The following TBC1D32 variants were observed in gnomAD, a reference collection of about 807,000 sequenced individuals.
TBC1D32 encodes protein broad-minded.
A neutral mutation model predicts 170.3 loss-of-function variants in TBC1D32; 151 were observed. The observed-to-expected ratio is 0.89, with a 90% confidence interval of 0.78 to 1.01. The LOEUF is 1.01. Ranked by LOEUF, TBC1D32 falls within the 50% of genes least tolerant of loss-of-function variation. The pLI, the probability that TBC1D32 is intolerant of heterozygous loss-of-function variation, is 0.00. For synonymous variants in TBC1D32, 498 were observed against 488.0 expected, an observed-to-expected ratio of 1.02 and a Z score of -0.27; for missense variants, 1,464 against 1,457.1, an observed-to-expected ratio of 1.00 and a Z score of -0.08.
intron 12 of TBC1D32, among the ~76,000 whole-genome samples, chr6:121,291,699 T>C (rs1804893020): frequency 6.6e-6 from 1 of 152,126 alleles, no homozygotes; most frequent in Non-Finnish European, 1.5e-5. Context: ...AATTTCACTA[T>C]TCAATTTTTA....
intron 9 of TBC1D32, among the ~76,000 whole-genome samples, chr6:121,300,931 A>G (rs1245981251): frequency 6.6e-6 from 1 of 152,236 alleles, no homozygotes; most frequent in Non-Finnish European, 1.5e-5. Context: ...CAAAAGACAC[A>G]TGAAAAAATG....
chr6:121,098,192 G>GAAT (rs150038060), intron 30 of TBC1D32, among the ~76,000 whole-genome samples: 11,247 of 148,816 alleles, frequency 0.076, 473 homozygotes, highest in South Asian at 0.17. Context: ...ACTTAAAGTA[G>GAAT]AATAATAATA....
Position 121,256,297 on chromosome 6 carries a change from T to C in TBC1D32, c.1734-12A>G. 3 of 1,594,496 alleles carry C rather than the reference T, an allele frequency of 1.9e-6. No homozygotes were observed. The highest frequency in any genetic ancestry group is 1.7e-4 in the Middle Eastern group (1 of 5,886). On this transcript the variant is annotated splice_polypyrimidine_tract_variant and intron_variant, in intron 15 of 31. Coordinates refer to ENST00000398212, the MANE Select transcript of TBC1D32 (RefSeq NM_152730.6). Reference sequence around the variant, plus strand: ...GAGCACCTGTAGGACTAAAAGATGATACCTGAAAGTGATTCCAAGGTTATA... The same window carrying C: ...GAGCACCTGTAGGACTAAAAGATGACACCTGAAAGTGATTCCAAGGTTATA...
chr6:121,220,017 C>T (rs1327747690), intron 21 of TBC1D32, among the ~76,000 whole-genome samples: 1 of 152,182 alleles, frequency 6.6e-6, no homozygotes, highest in Non-Finnish European at 1.5e-5. Context: ...TGGTCATCCA[C>T]CTATCTTTCT....
chr6:121,290,848 T>C (rs1001355194), intron 12 of TBC1D32, among the ~76,000 whole-genome samples: 3 of 152,230 alleles, frequency 2.0e-5, no homozygotes, highest in African/African-American at 4.8e-5. Flanking sequence ...ATGTCTTTTG[T>C]AGGGACACAG....
In TBC1D32 at chr6:121,087,614, A is replaced by C. The variant is rs80215290; in HGVS notation, c.3654+3239T>G. Among the ~76,000 whole-genome samples, 231 of 152,324 alleles carry C rather than the reference A, an allele frequency of 1.5e-3. 1 individual carries two copies. Among genetic ancestry groups the C allele is most frequent in the African/African-American group, 5.4e-3 (224 of 41,588 alleles). ...AACTGATAATAACTGAAAGTATAAC[A>C]TATTTGTGGTTTTCAATATTTTGAA... On this transcript the variant is annotated intron_variant, in intron 31 of 31. Transcript: ENST00000398212.
intron 27 of TBC1D32, among the ~76,000 whole-genome samples, chr6:121,114,380 A>T (rs1338029763): frequency 6.6e-6 from 1 of 152,228 alleles, no homozygotes; most frequent in Admixed American, 6.5e-5. Flanking sequence ...GTTAAAAAAT[A>T]GGTGACTAGC....
chr6:121,130,212 T>C (rs1227264833), intron 25 of TBC1D32, among the ~76,000 whole-genome samples: 2 of 152,178 alleles, frequency 1.3e-5, no homozygotes, highest in Non-Finnish European at 2.9e-5. Context: ...CAGGGCGCGG[T>C]GGCTCATGCC....
Position 121,308,022 on chromosome 6 carries a change from C to T in TBC1D32, c.644G>A (p.Cys215Tyr), listed in dbSNP as rs201594875. Residue 215 changes from cysteine (C) to tyrosine (Y), a missense_variant, in exon 5 of 32, where the codon TGC (cysteine) becomes TAC (tyrosine). Coordinates refer to ENST00000398212, the MANE Select transcript of TBC1D32 (RefSeq NM_152730.6). The part of the protein sequence containing the change: ...VLNCENWTTL[C>Y]EKLTVSLSDP... ...TGAAAGAGACACGGTCAGTTTTTCG[C>T]AGAGAGTAGTCCAATTTTCACAGTT... 449 of 1,613,806 alleles carry T rather than the reference C, an allele frequency of 2.8e-4. No homozygotes were observed. The highest frequency in any genetic ancestry group is 3.5e-4 in the Non-Finnish European group (414 of 1,179,858).
chr6:121,242,465 T>C (rs1797105679), intron 17 of TBC1D32, 126 bp from the exon 18 acceptor site: 3 of 818,494 alleles, frequency 3.7e-6, no homozygotes, highest in Non-Finnish European at 5.6e-6. Flanking sequence ...GGTTGCAAAT[T>C]AATCAATAAA....
Position 121,256,122 on chromosome 6 carries a change from A to G in TBC1D32, c.1897T>C (p.Tyr633His). ...TTTGCTATAGATTCATGCAAATTATAAGTGATTAACACCTGCAAACCTTCA... is the reference window on the plus strand; with the variant it reads ...TTTGCTATAGATTCATGCAAATTATGAGTGATTAACACCTGCAAACCTTCA... Reference protein sequence around the residue: ...TCEGLQVLITYNLHESIAKAW... With the variant: ...TCEGLQVLITHNLHESIAKAW... Residue 633 changes from tyrosine (Y) to histidine (H), a missense_variant, in exon 16 of 32, where the codon TAT becomes CAT. Physicochemically the swap from Tyr to His is moderately conservative, Grantham distance 83 (BLOSUM62 2). Coordinates refer to ENST00000398212, the MANE Select transcript of TBC1D32 (RefSeq NM_152730.6). 1 of 1,613,844 alleles carries G rather than the reference A, an allele frequency of 6.2e-7. No homozygotes were observed. Among genetic ancestry groups the G allele is most frequent in the Non-Finnish European group, 8.5e-7 (1 of 1,179,946 alleles).
intron 15 of TBC1D32, among the ~76,000 whole-genome samples, chr6:121,257,594 A>G (rs1172744329): frequency 5.3e-5 from 8 of 152,158 alleles, no homozygotes; most frequent in Admixed American, 4.6e-4. Flanking sequence ...AAAAGGCTGG[A>G]AAAAAATGCT....
In TBC1D32 at chr6:121,112,579, T is replaced by A; in HGVS notation, c.3250A>T (p.Thr1084Ser). 2.5e-6 allele frequency: 4 copies of A among 1,611,324 alleles called. No individual in the cohort carries two copies. Among genetic ancestry groups the A allele is most frequent in the Non-Finnish European group, 3.4e-6 (4 of 1,178,322 alleles). Residue 1084 changes from threonine to serine, a missense_variant, in exon 29 of 32, where the codon ACA (threonine) becomes TCA (serine). Physicochemically the swap from Thr to Ser is moderately conservative, Grantham distance 58 (BLOSUM62 1). Coordinates refer to ENST00000398212, the MANE Select transcript of TBC1D32 (RefSeq NM_152730.6). ...FMIMLGDKEKTFQFLHQFSRL... is the reference protein window; with the variant it reads ...FMIMLGDKEKSFQFLHQFSRL... Reference sequence around the variant, plus strand: ...GAGAATTGATGAAGAAATTGGAATGTTTTTTCTTTGTCTCCCAACATTATC... The same window carrying A: ...GAGAATTGATGAAGAAATTGGAATGATTTTTCTTTGTCTCCCAACATTATC...
chr6:121,159,985 T>A (rs1482691443), intron 24 of TBC1D32, 25 bp downstream of exon 24: 2 of 1,411,044 alleles, frequency 1.4e-6, no homozygotes, highest in Non-Finnish European at 2.0e-6. Context: ...AAAAATAATA[T>A]GGCATTTGAT....
chr6:121,098,289 T>A (rs1051107030), intron 30 of TBC1D32, among the ~76,000 whole-genome samples: 1 of 151,920 alleles, frequency 6.6e-6, no homozygotes, highest in Non-Finnish European at 1.5e-5. Flanking sequence ...AAAATAGGTA[T>A]GATTTATAAA....
rs1582970654 is a variant in TBC1D32 at position 121,148,737 on chromosome 6, C to T, written c.2773+11273G>A. ...GCAGCAATTCTCCTGCCTCAGCCTC[C>T]CGGGTAGCTGGGATTACAGGCATGT... On this transcript the variant is annotated intron_variant, in intron 24 of 31. Coordinates refer to ENST00000398212, the MANE Select transcript of TBC1D32 (RefSeq NM_152730.6). Among the ~76,000 whole-genome samples the T allele has an allele frequency of 1.1e-4, 17 of 152,246 alleles. No homozygotes were observed. In the South Asian group the frequency reaches 3.5e-3, roughly 32 times the overall value.
At chr6:121,273,974 A>G (rs964705074) in intron 15 of TBC1D32, among the ~76,000 whole-genome samples, 9 of 152,100 alleles carry the variant, frequency 5.9e-5, no homozygotes, top group African/African-American at 1.9e-4. Context: ...ACTCTGGTTG[A>G]GGAGGCTGCT....
intron 17 of TBC1D32, among the ~76,000 whole-genome samples, chr6:121,245,331 G>A (rs544902390): frequency 9.9e-5 from 15 of 152,240 alleles, no homozygotes; most frequent in African/African-American, 3.1e-4. Context: ...CAGCCCTACT[G>A]GGTGGCTAGA....
intron 29 of TBC1D32, among the ~76,000 whole-genome samples, chr6:121,109,983 G>T (rs1779047846): frequency 6.6e-6 from 1 of 151,888 alleles, no homozygotes; most frequent in African/African-American, 2.4e-5. Context: ...TAATTTATGT[G>T]GCTCATGCCT....
Sources: allele counts gnomAD v4.1 joint callset (sites outside exome capture counted in the v4.1 genomes callset), GRCh38; gene constraint gnomAD v4.1.1; transcripts MANE v1.5; gene names NCBI Gene and HGNC (gene_info 2026-07-23, HGNC 2026-07-21).